Variants in AK4 observed in about 807,000 individuals in gnomAD.
AK4 encodes the protein adenylate kinase 4.
A neutral mutation model predicts 24.6 loss-of-function variants in AK4; 13 were observed. That is an observed-to-expected ratio of 0.53 (90% CI 0.34 to 0.84). The LOEUF is 0.84. Among genes scored for constraint, AK4 ranks in the 40% least tolerant of loss-of-function variants. AK4 has a pLI of 0.01. For synonymous variants in AK4, 88 were observed against 107.0 expected (o/e 0.82, Z 1.10); for missense variants, 192 against 288.2 (o/e 0.67, Z 2.42).
chr1:65,155,171 G>A (rs1268744480), intron 1 of AK4, among the ~76,000 whole-genome samples: 3 of 151,970 alleles, frequency 2.0e-5, no homozygotes, highest in Non-Finnish European at 4.4e-5. Flanking sequence ...CGTTTTAAAC[G>A]TAGCTTACAA....
At chr1:65,198,733 C>G (rs374128410) in intron 2 of AK4, among the ~76,000 whole-genome samples, 9 of 149,126 alleles carry the variant, frequency 6.0e-5, no homozygotes. Flanking sequence ...TGCCCCAAGA[C>G]AATGTAAATA....
chr1:65,191,375 ATAAG>A (rs1304868448), intron 2 of AK4, among the ~76,000 whole-genome samples: 1 of 152,162 alleles, frequency 6.6e-6, no homozygotes, highest in Non-Finnish European at 1.5e-5. Flanking sequence ...TTATTGGTAA[ATAAG>A]AGGACATTAT....
chr1:65,200,069 AGTG>A (rs1381793248), intron 2 of AK4, among the ~76,000 whole-genome samples: 3 of 151,912 alleles, frequency 2.0e-5, no homozygotes, highest in Non-Finnish European at 4.4e-5. Flanking sequence ...ATAAGAAGAA[AGTG>A]TATCTACTTC....
At position 65,149,165 on chromosome 1, in the gene AK4, C is replaced by G. The variant is rs532327986; in HGVS notation, c.145+613C>G. The G allele has an allele frequency of 2.6e-5, 4 of 153,094 alleles. No homozygotes were observed. The East Asian group carries it at 5.8e-4, about 22-fold the overall frequency. 9.5% of individuals were successfully genotyped at this position (153,094 alleles called of 1,614,324 possible). ...GGTAAACTCTCCCCAGCAACTCCCCCCCCTCCCGAAGCCGCCGGGCCTGGC... is the reference window on the plus strand; with the variant it reads ...GGTAAACTCTCCCCAGCAACTCCCCGCCCTCCCGAAGCCGCCGGGCCTGGC... On this transcript the variant is annotated intron_variant, in intron 1 of 4. Transcript: ENST00000327299.
chr1:65,218,749 T>C lies in AK4; in HGVS notation c.266-5T>C, dbSNP rs1485838725. 6.4e-7 allele frequency: 1 copy of C among 1,567,684 alleles called. No individual in the cohort carries two copies. Among genetic ancestry groups the C allele is most frequent in the Non-Finnish European group, 8.6e-7 (1 of 1,159,342 alleles). Reference sequence around the variant, plus strand: ...CATTTCACTTGTTTTGTTCTTTGCATTTAGGTTTTCCTAGGACATTAGGAC... The same window carrying C: ...CATTTCACTTGTTTTGTTCTTTGCACTTAGGTTTTCCTAGGACATTAGGAC... On this transcript the variant is annotated splice_polypyrimidine_tract_variant and splice_region_variant and intron_variant, in intron 2 of 4. Coordinates refer to ENST00000327299, the MANE Select transcript of AK4 (RefSeq NM_013410.4).
rs530315707 is a variant in AK4 at position 65,214,031 on chromosome 1, G to A, written c.266-4723G>A. The stretch of plus-strand genomic sequence containing the variant: ...CTGATACCTTGGTCTTGGACTTATA[G>A]CTTCCAGGATTGTTTAAGCCACCCA... On this transcript the variant is annotated intron_variant, in intron 2 of 4. Transcript: ENST00000327299. 5.3e-5 allele frequency among the ~76,000 whole-genome samples: 8 copies of A among 152,316 alleles called. No homozygotes were observed. The East Asian group carries it at 1.5e-3, about 29-fold the overall frequency.
At chr1:65,204,381 G>C (rs1466780896) in intron 2 of AK4, among the ~76,000 whole-genome samples, 1 of 151,710 alleles carries the variant, frequency 6.6e-6, no homozygotes, top group Non-Finnish European at 1.5e-5. Context: ...TTACATTTTT[G>C]ATAGAGACAG....
intron 1 of AK4, among the ~76,000 whole-genome samples, chr1:65,174,509 T>A (rs745646549): frequency 3.3e-5 from 5 of 152,188 alleles, no homozygotes; most frequent in African/African-American, 7.2e-5. Context: ...ACATACCTCA[T>A]TTACTCACTT....
At chr1:65,214,462 G>T (rs1007984220) in intron 2 of AK4, among the ~76,000 whole-genome samples, 3 of 152,248 alleles carry the variant, frequency 2.0e-5, no homozygotes, top group Admixed American at 2.0e-4. Flanking sequence ...TGAAACTAAG[G>T]ATCTGAGAGT....
chr1:65,177,087 A>G (rs747326960), intron 1 of AK4, among the ~76,000 whole-genome samples: 13 of 152,170 alleles, frequency 8.5e-5, no homozygotes, highest in Non-Finnish European at 1.6e-4. Context: ...TGTGCAGATC[A>G]CAGATTTGAG....
Position 65,150,614 on chromosome 1 carries a change from C to T in AK4, c.145+2062C>T, listed in dbSNP as rs138728010. 3.7e-3 allele frequency among the ~76,000 whole-genome samples: 568 copies of T among 152,198 alleles called. 4 individuals carry two copies. The highest frequency in any genetic ancestry group is 0.013 in the African/African-American group (546 of 41,528). On this transcript the variant is annotated intron_variant, in intron 1 of 4. Transcript: ENST00000327299. ...CTGGTAAATAAAACATTCCTTTCCA[C>T]GGTATTTATTTTTCTGTCTGTTACC...
At chr1:65,174,969 G>A (rs925804680) in intron 1 of AK4, among the ~76,000 whole-genome samples, 5 of 151,952 alleles carry the variant, frequency 3.3e-5, no homozygotes, top group Admixed American at 6.6e-5. Context: ...TTTTTAATGT[G>A]CTCCATGGTA....
At chr1:65,187,347 C>CAA (rs150840960) in intron 1 of AK4, among the ~76,000 whole-genome samples, 8,164 of 66,436 alleles carry the variant, frequency 0.12, 480 homozygotes, top group African/African-American at 0.14. Flanking sequence ...GACTCCGTCT[C>CAA]AAAAAAAAAA....
chr1:65,185,804 G>A (rs1042555591), intron 1 of AK4, among the ~76,000 whole-genome samples: 11 of 151,884 alleles, frequency 7.2e-5, no homozygotes, highest in South Asian at 4.1e-4. Context: ...TAGTAGAGAC[G>A]GGGTTTCTCC....
At chr1:65,206,198 T>C (rs1434180826) in intron 2 of AK4, among the ~76,000 whole-genome samples, 1 of 152,220 alleles carries the variant, frequency 6.6e-6, no homozygotes, top group Non-Finnish European at 1.5e-5. Context: ...ACAGGTTATA[T>C]CCATTTTGTT....
At chr1:65,197,210 TG>T (rs1468640046) in intron 2 of AK4, among the ~76,000 whole-genome samples, 2 of 97,830 alleles carry the variant, frequency 2.0e-5, no homozygotes, top group African/African-American at 2.4e-4. Flanking sequence ...TATTAGTAAC[TG>T]TTTTTTTTCG....
At chr1:65,154,878 C>T (rs1649925070) in intron 1 of AK4, among the ~76,000 whole-genome samples, 1 of 148,244 alleles carries the variant, frequency 6.7e-6, no homozygotes, top group Non-Finnish European at 1.5e-5. Flanking sequence ...AAGACGTAGT[C>T]TTGCTCTTGT....
At chr1:65,178,397 GCTGAGTCTGCCTGGAGAAATGAGCAT>G (rs1186627585) in intron 1 of AK4, among the ~76,000 whole-genome samples, 2 of 152,302 alleles carry the variant, frequency 1.3e-5, no homozygotes, top group East Asian at 3.9e-4. Context: ...CCGGCACACG[GCTGAGTCTGCCTGGAGAAATGAGCAT>G]CTTGAAATGT....
chr1:65,207,619 C>T (rs575140940), intron 2 of AK4, among the ~76,000 whole-genome samples: 19 of 150,430 alleles, frequency 1.3e-4, no homozygotes, highest in South Asian at 1.1e-3. Context: ...GTTCGTTACA[C>T]GGGTAAATTT....
Sources: allele counts gnomAD v4.1 joint callset (sites outside exome capture counted in the v4.1 genomes callset), GRCh38; gene constraint gnomAD v4.1.1; transcripts MANE v1.5; gene names NCBI Gene and HGNC (gene_info 2026-07-23, HGNC 2026-07-21).